LDAH: variants seen among roughly 807,000 people sequenced by gnomAD.
The protein encoded by LDAH is lipid droplet associated hydrolase, also known as lipid droplet-associated hydrolase.
Under a neutral mutation model 29.6 loss-of-function variants are expected in LDAH, and 26 were observed. The observed-to-expected ratio is 0.88, with a 90% CI of 0.64 to 1.22. The LOEUF is 1.22. LDAH is among the 50% of genes most tolerant of loss of function. The pLI, the probability that LDAH is intolerant of heterozygous loss-of-function variation, is 0.00. For missense variants in LDAH, 344 were observed against 387.3 expected (o/e 0.89, Z 0.94); for synonymous variants, 117 against 133.0 (o/e 0.88, Z 0.83).
chr2:20,756,038 T>C (rs1053030953), intron 4 of LDAH, among the ~76,000 whole-genome samples: 1 of 151,484 alleles, frequency 6.6e-6, no homozygotes, highest in African/African-American at 2.4e-5. Context: ...ATTCTTTTTT[T>C]CTTTTTTTTT....
At chr2:20,790,200 A>T (rs1670849828) in intron 3 of LDAH, 55 bp downstream of exon 3, 1 of 1,575,702 alleles carries the variant, frequency 6.3e-7, no homozygotes, top group Non-Finnish European at 8.7e-7. Context: ...CAAGCTTGCT[A>T]GAAACATGAC....
chr2:20,806,158 T>C (rs1040884886), intron 1 of LDAH, among the ~76,000 whole-genome samples: 9 of 152,148 alleles, frequency 5.9e-5, no homozygotes, highest in African/African-American at 2.2e-4. Context: ...TCAAAAAAAC[T>C]TGAAAAAGAG....
intron 1 of LDAH, among the ~76,000 whole-genome samples, chr2:20,811,181 C>A (rs1277774872): frequency 3.3e-5 from 5 of 151,834 alleles, no homozygotes; most frequent in African/African-American, 1.2e-4. Flanking sequence ...CCACGGCCGG[C>A]TAATTTTTTT....
intron 5 of LDAH, among the ~76,000 whole-genome samples, chr2:20,714,358 G>C (rs968192072): frequency 1.3e-5 from 2 of 152,082 alleles, no homozygotes; most frequent in Admixed American, 6.6e-5. Context: ...AACGTACCAG[G>C]ATCTCTGGGA....
chr2:20,730,881 T>C (rs1666353440), intron 5 of LDAH, among the ~76,000 whole-genome samples: 1 of 152,256 alleles, frequency 6.6e-6, no homozygotes, highest in African/African-American at 2.4e-5. Flanking sequence ...CTAGGTTCTC[T>C]TCTCTGTTCC....
At chr2:20,766,360 G>C (rs1010654561) in intron 4 of LDAH, among the ~76,000 whole-genome samples, 2 of 152,184 alleles carry the variant, frequency 1.3e-5, no homozygotes, top group African/African-American at 4.8e-5. Context: ...AATTTGAGGA[G>C]TGAAAATTTT....
chr2:20,759,041 T>C (rs2124943450), intron 4 of LDAH, among the ~76,000 whole-genome samples: 1 of 152,330 alleles, frequency 6.6e-6, no homozygotes, highest in Non-Finnish European at 1.5e-5. Flanking sequence ...TAAGAGGTTA[T>C]AAGAAGCTCC....
At chr2:20,719,020 C>T (rs909177452) in intron 5 of LDAH, among the ~76,000 whole-genome samples, 2 of 151,616 alleles carry the variant, frequency 1.3e-5, no homozygotes, top group Non-Finnish European at 2.9e-5. Flanking sequence ...AAAAGTAGGA[C>T]TAAGAGGGAA....
intron 6 of LDAH, among the ~76,000 whole-genome samples, chr2:20,697,099 G>A (rs1236459704): frequency 6.6e-6 from 1 of 150,884 alleles, no homozygotes; most frequent in East Asian, 2.0e-4. Flanking sequence ...ATACATCCAG[G>A]GCCTGCCAGA....
At chr2:20,724,867 T>C (rs752146136) in intron 5 of LDAH, among the ~76,000 whole-genome samples, 10 of 152,214 alleles carry the variant, frequency 6.6e-5, no homozygotes, top group Non-Finnish European at 1.5e-4. Context: ...GTATGATTCA[T>C]ATTAGAATGC....
rs1669077956 is a variant in LDAH, at chr2:20,766,870, G to A, written c.468+7940C>T. On this transcript the variant is annotated intron_variant, in intron 4 of 6. Transcript: ENST00000237822. The stretch of plus-strand genomic sequence containing the variant: ...GGCAGCTGACTGTGACGCCTGCTTC[G>A]GGGACCGGCCAGCAGTGGAGGGTTT... 2.0e-5 allele frequency among the ~76,000 whole-genome samples: 3 copies of A among 152,126 alleles called. No homozygotes were observed. The South Asian group carries it at 6.2e-4, about 32-fold the overall frequency.
At chr2:20,726,053 C>G (rs1665991187) in intron 5 of LDAH, among the ~76,000 whole-genome samples, 1 of 152,172 alleles carries the variant, frequency 6.6e-6, no homozygotes. Flanking sequence ...ATTTGGTTTT[C>G]TGTTATCTAT....
rs1165275156 is a variant in LDAH at position 20,716,703 on chromosome 2, G to A, written c.704-15051C>T. 4.0e-5 allele frequency among the ~76,000 whole-genome samples: 5 copies of A among 125,980 alleles called. No homozygotes were observed. The East Asian group carries it at 9.5e-4, about 24-fold the overall frequency. The allele number at this position is 125,980 out of a possible 152,430, so 82.6% of individuals were successfully genotyped here. On this transcript the variant is annotated intron_variant, in intron 5 of 6. Coordinates refer to ENST00000237822, the MANE Select transcript of LDAH (RefSeq NM_021925.4). ...TAACAAACCTGCACGTTGTGTAGATGTACCCTAGAACTTTAAGTATATATA... is the reference window on the plus strand; with the variant it reads ...TAACAAACCTGCACGTTGTGTAGATATACCCTAGAACTTTAAGTATATATA...
intron 4 of LDAH, among the ~76,000 whole-genome samples, chr2:20,747,440 T>C (rs1048214553): frequency 6.6e-6 from 1 of 152,124 alleles, no homozygotes; most frequent in Non-Finnish European, 1.5e-5. Flanking sequence ...ACTGCAATAT[T>C]TGTAAGGCAT....
At chr2:20,734,047 A>G (rs113611894) in intron 5 of LDAH, among the ~76,000 whole-genome samples, 4,285 of 152,206 alleles carry the variant, frequency 0.028, 202 homozygotes, top group African/African-American at 0.098. Flanking sequence ...GTTTTGGGTG[A>G]AGTGTTCTAC....
chr2:20,684,760 T>C lies in LDAH; in HGVS notation c.*2143A>G. ...GCTCAATCGCTGAGCACTCGGTAACTCTGCAGGAAGTTAAAACTTTCACAA... is the reference window on the plus strand; with the variant it reads ...GCTCAATCGCTGAGCACTCGGTAACCCTGCAGGAAGTTAAAACTTTCACAA... On this transcript the variant is annotated 3_prime_UTR_variant, in exon 7 of 7. Transcript: ENST00000237822. 1 of 1,126,794 alleles carries C rather than the reference T, an allele frequency of 8.9e-7. No individual in the cohort carries two copies. The allele number at this position is 1,126,794 out of a possible 1,614,324, so 69.8% of individuals were successfully genotyped here. A position where few individuals can be genotyped will look rare whatever the true frequency, so the allele number is the denominator to read the frequency against.
intron 2 of LDAH, among the ~76,000 whole-genome samples, chr2:20,794,723 G>A (rs552452425): frequency 1.8e-4 from 28 of 152,176 alleles, no homozygotes; most frequent in Admixed American, 1.6e-3. Context: ...CATGTATAAC[G>A]TACCAAACTT....
At chr2:20,704,825 C>T (rs1438754182) in intron 5 of LDAH, among the ~76,000 whole-genome samples, 1 of 152,136 alleles carries the variant, frequency 6.6e-6, no homozygotes, top group Non-Finnish European at 1.5e-5. Flanking sequence ...AATGAAAATT[C>T]TTTCTTCAAA....
At chr2:20,711,075 A>T (rs1396674505) in intron 5 of LDAH, among the ~76,000 whole-genome samples, 1 of 152,080 alleles carries the variant, frequency 6.6e-6, no homozygotes, top group Admixed American at 6.5e-5. Context: ...TGAAGATGGA[A>T]CTCACATGGA....
Sources: allele counts gnomAD v4.1 joint callset (sites outside exome capture counted in the v4.1 genomes callset), GRCh38; gene constraint gnomAD v4.1.1; transcripts MANE v1.5; gene names NCBI Gene and HGNC (gene_info 2026-07-23, HGNC 2026-07-21).